Variants in LRRC9 observed in about 807,000 individuals in gnomAD.
LRRC9 encodes leucine rich repeat containing 9, also known as leucine-rich repeat-containing protein 9.
A neutral mutation model predicts 63.2 loss-of-function variants in LRRC9; 122 were observed. The ratio of observed to expected loss-of-function variants is 1.93; its 90% CI spans 1.67 to 2.24. The LOEUF (loss-of-function observed/expected upper bound fraction) is 2.24, where lower values mean the gene tolerates loss of function less well. Among genes scored for constraint, LRRC9 ranks in the 30% most tolerant of loss-of-function variants. The pLI is 0.00. For synonymous variants in LRRC9, 366 were observed against 213.1 expected (o/e 1.72, Z -6.25); for missense variants, 1,071 against 627.7 (o/e 1.71, Z -7.55).
At position 60,020,158 on chromosome 14, in the gene LRRC9, G is replaced by A. The variant is rs570563852; in HGVS notation, c.3566+898G>A. ...GCAACAACCACTGATCTGCTCTCTC[G>A]CTATAATTTTGCCTTTTTCCAGAAT... On this transcript the variant is annotated intron_variant, in intron 26 of 31. Coordinates refer to ENST00000445360, the Ensembl canonical transcript of LRRC9. Among the ~76,000 whole-genome samples the A allele has an allele frequency of 2.1e-4, 32 of 151,732 alleles. No homozygotes were observed. In the South Asian group the frequency reaches 3.3e-3, roughly 16 times the overall value.
At chr14:60,009,569 A>G (rs949958714) in intron 23 of LRRC9, among the ~76,000 whole-genome samples, 2 of 152,186 alleles carry the variant, frequency 1.3e-5, no homozygotes, top group Non-Finnish European at 2.9e-5. Context: ...GAGCCAAACC[A>G]TATCATTCCA....
intron 29 of LRRC9, among the ~76,000 whole-genome samples, chr14:60,034,281 T>G (rs1240897360): frequency 2.0e-5 from 3 of 152,010 alleles, no homozygotes; most frequent in African/African-American, 7.2e-5. Context: ...CCTCCCAAAG[T>G]GCTGGGATTA....
rs1315775623 is a variant in LRRC9, at chr14:59,966,221, A to AGAGT, written c.1212-366_1212-363dup. On this transcript the variant is annotated intron_variant, in intron 10 of 31. Coordinates refer to ENST00000445360, the Ensembl canonical transcript of LRRC9. The surrounding 1 kb of genome is among the most constrained non-coding windows in gnomAD (Gnocchi z 4.0). ...AGGAACCACGTGAAATCATCTAGGG[A>AGAGT]GAGTGTTCGTGGAAGCAAGAGGAAG... Among the ~76,000 whole-genome samples, 2 of 152,130 alleles carry AGAGT rather than the reference A, an allele frequency of 1.3e-5. No homozygotes were observed. Among genetic ancestry groups the AGAGT allele is most frequent in the Non-Finnish European group, 2.9e-5 (2 of 68,034 alleles).
At chr14:60,001,861 T>C in intron 19 of LRRC9, 105 bp from the exon 20 acceptor site, 1 of 430,360 alleles carries the variant, frequency 2.3e-6, no homozygotes, top group East Asian at 3.4e-5. Context: ...TTTATAATTA[T>C]TTATTGGGCC....
intron 1 of LRRC9, among the ~76,000 whole-genome samples, chr14:59,926,550 C>A (rs767645151): frequency 2.6e-5 from 4 of 152,052 alleles, no homozygotes; most frequent in Non-Finnish European, 5.9e-5. Context: ...TTGAACATAA[C>A]CAGCACCTAG....
Position 59,938,398 on chromosome 14 carries a change from G to C in LRRC9, c.552G>C (p.Thr184=). The change falls in exon 7 of 32, where the codon ACG becomes ACC. Residue 184 remains threonine, a synonymous_variant. Transcript: ENST00000445360. The surrounding 1 kb of genome is among the most constrained non-coding windows in gnomAD (Gnocchi z 4.2). ...CTTTGCTGGCATTTTAGGAACTCAC[G>C]AACTTAACCAGGCTGCCTTGCTTAA... The C allele has an allele frequency of 1.5e-6, 1 of 682,890 alleles. No homozygotes were observed. Among genetic ancestry groups the C allele is most frequent in the East Asian group, 2.8e-5 (1 of 35,834 alleles). 42.3% of individuals were successfully genotyped at this position (682,890 alleles called of 1,614,324 possible). A position where few individuals can be genotyped will look rare whatever the true frequency, so the allele number is the denominator to read the frequency against.
rs1035519917 is a variant in LRRC9, at chr14:59,932,134, A to G, written c.543+95A>G. On this transcript the variant is annotated intron_variant, in intron 6 of 31. Transcript: ENST00000445360. The surrounding 1 kb of genome is among the most constrained non-coding windows in gnomAD (Gnocchi z 4.7). ...GTACTAAAAAGTCCCCCATTAAGGA[A>G]TAAGTTCATTATTTTGGGCTGATGC... 4.9e-6 allele frequency: 3 copies of G among 612,134 alleles called. No homozygotes were observed. The highest frequency in any genetic ancestry group is 8.6e-6 in the Non-Finnish European group (3 of 347,040). 37.9% of individuals were successfully genotyped at this position (612,134 alleles called of 1,614,324 possible).
At chr14:59,967,406 A>G (rs1884972505) in intron 12 of LRRC9, among the ~76,000 whole-genome samples, 193 bp downstream of exon 12, 1 of 152,178 alleles carries the variant, frequency 6.6e-6, no homozygotes, top group Non-Finnish European at 1.5e-5. Context: ...AAGCCCATTA[A>G]TTACTACTGC....
At chr14:59,935,266 C>T (rs1890049045) in intron 6 of LRRC9, among the ~76,000 whole-genome samples, 1 of 149,670 alleles carries the variant, frequency 6.7e-6, no homozygotes. Context: ...TGCACTACAG[C>T]CTGGGTAACA....
At chr14:59,953,277 A>T (rs1313487604) in intron 8 of LRRC9, among the ~76,000 whole-genome samples, 2 of 152,230 alleles carry the variant, frequency 1.3e-5, no homozygotes, top group Non-Finnish European at 2.9e-5. Flanking sequence ...TCCCACCAAC[A>T]GTGTAAAACT....
At chr14:59,984,994 T>C (rs1236717455) in intron 16 of LRRC9, 111 bp from the exon 17 acceptor site, 1 of 439,794 alleles carries the variant, frequency 2.3e-6, no homozygotes, top group Non-Finnish European at 4.0e-6. Context: ...TTTCTTATTT[T>C]GTAGTATATT....
intron 8 of LRRC9, among the ~76,000 whole-genome samples, chr14:59,945,451 A>G (rs1327290636): frequency 6.6e-6 from 1 of 151,918 alleles, no homozygotes; most frequent in Non-Finnish European, 1.5e-5. Flanking sequence ...TACCAAATGT[A>G]AATACCAGTA....
intron 30 of LRRC9, among the ~76,000 whole-genome samples, chr14:60,056,643 A>G (rs568532766): frequency 6.6e-6 from 1 of 152,246 alleles, no homozygotes; most frequent in South Asian, 2.1e-4. Context: ...TAAATACTTT[A>G]TTAAATATTA....
intron 23 of LRRC9, among the ~76,000 whole-genome samples, chr14:60,011,584 A>C (rs1890263315): frequency 6.6e-6 from 1 of 152,150 alleles, no homozygotes; most frequent in Non-Finnish European, 1.5e-5. Context: ...GCATTTTACT[A>C]TTTGATTATA....
chr14:60,032,770 G>A (rs971734176), intron 29 of LRRC9, among the ~76,000 whole-genome samples: 27 of 152,082 alleles, frequency 1.8e-4, no homozygotes, highest in South Asian at 2.1e-4. Context: ...AGCTTTTTCC[G>A]CACAGGAGGA....
rs1394480680 is a variant in LRRC9, at chr14:59,938,496, TATTATATC to T, written c.654_661del (p.Leu218PhefsTer8). On this transcript the variant is annotated frameshift_variant, in exon 7 of 32. Coordinates refer to ENST00000445360, the Ensembl canonical transcript of LRRC9. LOFTEE classifies it high-confidence loss of function. The surrounding 1 kb of genome is among the most constrained non-coding windows in gnomAD (Gnocchi z 4.2). ...CTTCTGTGTAATTATTCCACACATG[TATTATATC>T]ATTTGCCTTGCCTTCAAAGATTTGA... 1.0e-5 allele frequency: 7 copies of T among 697,746 alleles called. No individual in the cohort carries two copies. The highest frequency in any genetic ancestry group is 8.1e-5 in the Admixed American group (4 of 49,280). The allele number at this position is 697,746 out of a possible 1,614,324, so 43.2% of individuals were successfully genotyped here. A position where few individuals can be genotyped will look rare whatever the true frequency, so the allele number is the denominator to read the frequency against.
chr14:60,023,032 T>A (rs1416668098), intron 27 of LRRC9, among the ~76,000 whole-genome samples, 162 bp downstream of exon 27: 1 of 152,008 alleles, frequency 6.6e-6, no homozygotes, highest in East Asian at 1.9e-4. Context: ...TACTTACATT[T>A]TTTAGAAACC....
At chr14:59,944,892 A>C (rs1882192942) in intron 8 of LRRC9, 148 bp downstream of exon 8, 1 of 407,838 alleles carries the variant, frequency 2.5e-6, no homozygotes, top group Non-Finnish European at 4.3e-6. Flanking sequence ...ACACATATGT[A>C]ATTACTACTG....
At chr14:59,946,492 CT>C (rs201416774) in intron 8 of LRRC9, among the ~76,000 whole-genome samples, 25 of 144,868 alleles carry the variant, frequency 1.7e-4, no homozygotes, top group East Asian at 6.1e-4. Flanking sequence ...AATCTATTTT[CT>C]TTTTTTTTGT....
Sources: gnomAD v4.1 joint callset for allele counts (sites outside exome capture counted in the v4.1 genomes callset) on GRCh38, gnomAD v4.1.1 for gene constraint, Gnocchi (gnomAD v3.1) non-coding constraint, MANE v1.5 for transcripts, NCBI Gene and HGNC (gene_info 2026-07-23, HGNC 2026-07-21) for gene names.